The following THSD7B variants were observed in gnomAD, a reference collection of about 807,000 sequenced individuals.
THSD7B encodes the protein thrombospondin type 1 domain containing 7B.
Under a neutral mutation model 213.6 loss-of-function variants are expected in THSD7B, and 138 were observed. The ratio of observed to expected loss-of-function variants is 0.65; its 90% CI spans 0.56 to 0.74. THSD7B has a LOEUF of 0.74. Among genes scored for constraint, THSD7B ranks in the 30% least tolerant of loss-of-function variants. The pLI is 0.00. For synonymous variants in THSD7B, 742 were observed against 687.0 expected, an observed-to-expected ratio of 1.08 and a Z score of -1.25; for missense variants, 1,931 against 1,991.5, an observed-to-expected ratio of 0.97 and a Z score of 0.58.
chr2:137,583,420 A>G (rs541656270), intron 17 of THSD7B, among the ~76,000 whole-genome samples: 1 of 152,154 alleles, frequency 6.6e-6, no homozygotes, highest in Non-Finnish European at 1.5e-5. Context: ...GCCCATGCCT[A>G]TGTCCTGAAT....
chr2:137,315,419 G>T (rs1220074747), intron 12 of THSD7B, among the ~76,000 whole-genome samples: 1 of 152,074 alleles, frequency 6.6e-6, no homozygotes, highest in East Asian at 1.9e-4. Flanking sequence ...GCACTCCCTA[G>T]TGAGATGAAC....
At chr2:137,156,541 C>T (rs745994299) in intron 5 of THSD7B, among the ~76,000 whole-genome samples, 1 of 152,082 alleles carries the variant, frequency 6.6e-6, no homozygotes, top group Non-Finnish European at 1.5e-5. Context: ...ACCATTAGTT[C>T]TAATGTTCAA....
intron 27 of THSD7B, 148 bp downstream of exon 27, chr2:137,668,009 G>A: frequency 1.8e-6 from 1 of 541,044 alleles, no homozygotes; most frequent in South Asian, 3.5e-5. Context: ...GTTGAAATGA[G>A]GAATCATTAT....
intron 2 of THSD7B, among the ~76,000 whole-genome samples, chr2:136,988,614 C>A (rs1375408827): frequency 6.6e-6 from 1 of 152,166 alleles, no homozygotes; most frequent in Non-Finnish European, 1.5e-5. Context: ...TGTCCTCACC[C>A]TCTGAAAATT....
At chr2:137,172,919 A>G (rs1469780893) in intron 7 of THSD7B, among the ~76,000 whole-genome samples, 1 of 152,156 alleles carries the variant, frequency 6.6e-6, no homozygotes, top group Non-Finnish European at 1.5e-5. Context: ...AGTTTGGAGT[A>G]AGAAGTGAAG....
intron 2 of THSD7B, among the ~76,000 whole-genome samples, chr2:137,026,901 T>A (rs972770429): frequency 6.6e-6 from 1 of 152,172 alleles, no homozygotes; most frequent in Non-Finnish European, 1.5e-5. Context: ...AGGTTTTCAG[T>A]TTTTCATAAT....
chr2:136,785,824 C>G (rs1055883333), intron 1 of THSD7B, among the ~76,000 whole-genome samples: 5 of 152,136 alleles, frequency 3.3e-5, no homozygotes, highest in African/African-American at 1.2e-4. Flanking sequence ...CTCCTGGGAG[C>G]CTGTTTTATA....
intron 2 of THSD7B, among the ~76,000 whole-genome samples, chr2:137,033,351 G>A (rs1214609230): frequency 5.3e-5 from 8 of 152,236 alleles, no homozygotes; most frequent in South Asian, 2.1e-4. Context: ...AGCTCAGGCC[G>A]GTTCAGGTGG....
chr2:136,771,317 G>A (rs1199217097), intron 1 of THSD7B, among the ~76,000 whole-genome samples: 1 of 151,984 alleles, frequency 6.6e-6, no homozygotes, highest in Non-Finnish European at 1.5e-5. Context: ...AAATTTTTTG[G>A]TGCTTTCTTC....
At chr2:136,863,181 A>T (rs1013879590) in intron 1 of THSD7B, among the ~76,000 whole-genome samples, 1 of 152,198 alleles carries the variant, frequency 6.6e-6, no homozygotes, top group Admixed American at 6.5e-5. Context: ...TGTTAATTAA[A>T]TCTTTACTCA....
chr2:137,356,969 C>CACACACAG (rs1685147696), intron 12 of THSD7B, among the ~76,000 whole-genome samples: 1 of 9,210 alleles, frequency 1.1e-4, no homozygotes, highest in Admixed American at 8.3e-4. Flanking sequence ...CACACACAGA[C>CACACACAG]ACACACACAC....
intron 15 of THSD7B, among the ~76,000 whole-genome samples, chr2:137,516,311 C>G (rs1003223637): frequency 6.6e-6 from 1 of 152,186 alleles, no homozygotes; most frequent in Non-Finnish European, 1.5e-5. Context: ...ATCACTGATC[C>G]TCAATCAATT....
At chr2:137,659,832 C>T in intron 25 of THSD7B, 86 bp downstream of exon 25, 1 of 1,320,762 alleles carries the variant, frequency 7.6e-7, no homozygotes, top group Non-Finnish European at 1.0e-6. Context: ...CGGCTGCAGC[C>T]CAAGCAGCAG....
chr2:137,585,527 T>A (rs1286042784), intron 17 of THSD7B, among the ~76,000 whole-genome samples: 2 of 152,198 alleles, frequency 1.3e-5, no homozygotes, highest in African/African-American at 4.8e-5. Flanking sequence ...CCAGAGATTC[T>A]GGTATGTTGT....
rs142791610 is a variant in THSD7B at position 137,276,643 on chromosome 2, T to G, written c.2500+617T>G. On this transcript the variant is annotated intron_variant, in intron 12 of 27. Transcript: ENST00000409968. ...AAAAGTACTCAGAGAATCATCAGAC[T>G]GCTCACTTTTCTATTTCATTCATAA... 2.5e-3 allele frequency among the ~76,000 whole-genome samples: 374 copies of G among 152,232 alleles called. 7 individuals carry two copies. Among genetic ancestry groups the G allele is most frequent in the Admixed American group, 0.021 (326 of 15,252 alleles).
intron 2 of THSD7B, among the ~76,000 whole-genome samples, chr2:136,921,768 G>T (rs1179149643): frequency 6.6e-6 from 1 of 152,180 alleles, no homozygotes; most frequent in Non-Finnish European, 1.5e-5. Context: ...GTGAAACAGA[G>T]TACTGTCGTT....
intron 12 of THSD7B, among the ~76,000 whole-genome samples, chr2:137,363,170 G>T (rs1210447549): frequency 6.6e-6 from 1 of 152,160 alleles, no homozygotes; most frequent in Non-Finnish European, 1.5e-5. Flanking sequence ...CAGAAATAAA[G>T]ATGTTCTTTG....
chr2:137,481,324 C>T (rs1042070531), intron 15 of THSD7B, among the ~76,000 whole-genome samples: 1 of 152,154 alleles, frequency 6.6e-6, no homozygotes, highest in Admixed American at 6.5e-5. Context: ...TTTTGCAGCT[C>T]ATACAGAAAT....
At chr2:137,453,952 T>A (rs191321324) in intron 15 of THSD7B, among the ~76,000 whole-genome samples, 28 of 152,310 alleles carry the variant, frequency 1.8e-4, no homozygotes, top group African/African-American at 6.5e-4. Flanking sequence ...TCTTTCTTTT[T>A]AAGGTTGAAT....
Sources: allele counts gnomAD v4.1 joint callset (sites outside exome capture counted in the v4.1 genomes callset), GRCh38; gene constraint gnomAD v4.1.1; transcripts MANE v1.5; gene names NCBI Gene and HGNC (gene_info 2026-07-23, HGNC 2026-07-21).